DIP2B: variants seen among roughly 807,000 people sequenced by gnomAD.
DIP2B encodes disco-interacting protein 2 homolog B.
In DIP2B, 76 loss-of-function variants were observed where a neutral mutation model predicts 198.0. The observed-to-expected ratio is 0.38, with a 90% confidence interval of 0.32 to 0.46. DIP2B has a LOEUF of 0.46. DIP2B is among the 20% of genes least tolerant of loss of function. The probability of loss-of-function intolerance (pLI) is 0.99; values close to 1 mark genes in which losing one functional copy is unlikely to be tolerated. For synonymous variants in DIP2B, 701 were observed against 739.1 expected, an observed-to-expected ratio of 0.95 and a Z score of 0.84; for missense variants, 1,559 against 1,978.4, an observed-to-expected ratio of 0.79 and a Z score of 4.02.
chr12:50,678,922 G>C, intron 8 of DIP2B, 46 bp downstream of exon 8: 1 of 1,603,690 alleles, frequency 6.2e-7, no homozygotes, highest in Non-Finnish European at 8.5e-7. Context: ...GAGTTCTTCA[G>C]AATATCATGG....
intron 14 of DIP2B, among the ~76,000 whole-genome samples, chr12:50,694,869 G>A (rs1244449828): frequency 6.6e-6 from 1 of 151,982 alleles, no homozygotes; most frequent in Non-Finnish European, 1.5e-5. Context: ...AAAGAATTAT[G>A]TAGATCTCTT....
chr12:50,711,499 A>T (rs1357564647), intron 22 of DIP2B, among the ~76,000 whole-genome samples: 1 of 152,152 alleles, frequency 6.6e-6, no homozygotes, highest in African/African-American at 2.4e-5. Context: ...GGTTGGTAGG[A>T]TAGTCTGAGG....
At chr12:50,566,240 A>G (rs1193230362) in intron 1 of DIP2B, among the ~76,000 whole-genome samples, 5 of 151,892 alleles carry the variant, frequency 3.3e-5, no homozygotes, top group South Asian at 2.1e-4. Flanking sequence ...GAATTTTGCC[A>G]TGTTGCCCAG....
Position 50,748,465 on chromosome 12 carries a change from G to A in DIP2B, c.*3626G>A, listed in dbSNP as rs1940369682. ...ATTTTTTAGTCCTAAATGCTGTTTT[G>A]TTTACTTTCTGTCAAGATATTTACC... On this transcript the variant is annotated 3_prime_UTR_variant, in exon 38 of 38. Transcript: ENST00000301180. The A allele has an allele frequency of 6.6e-6, 1 of 152,550 alleles. No homozygotes were observed. Among genetic ancestry groups the A allele is most frequent in the Non-Finnish European group, 1.5e-5 (1 of 68,016 alleles). The allele number at this position is 152,550 out of a possible 1,614,324, so 9.4% of individuals were successfully genotyped here.
intron 23 of DIP2B, among the ~76,000 whole-genome samples, chr12:50,717,359 C>CTTTTT (rs137945712): frequency 2.1e-5 from 1 of 46,864 alleles, no homozygotes; most frequent in East Asian, 7.8e-4. Flanking sequence ...CTCACTGCAG[C>CTTTTT]TTTTTTTTTT....
intron 12 of DIP2B, among the ~76,000 whole-genome samples, chr12:50,687,277 T>C (rs1026433549): frequency 2.0e-5 from 3 of 152,156 alleles, no homozygotes; most frequent in East Asian, 1.9e-4. Context: ...ACTTACTTTA[T>C]AGATGAGGAG....
At chr12:50,562,713 G>A (rs948554061) in intron 1 of DIP2B, among the ~76,000 whole-genome samples, 3 of 151,572 alleles carry the variant, frequency 2.0e-5, no homozygotes, top group Non-Finnish European at 4.4e-5. Flanking sequence ...CTCCAGACTG[G>A]GTGACAGAGT....
At position 50,745,506 on chromosome 12, in the gene DIP2B, A is replaced by C. The variant is rs1486660631; in HGVS notation, c.*667A>C. On this transcript the variant is annotated 3_prime_UTR_variant, in exon 38 of 38. Transcript: ENST00000301180. ...TTTGAGAGAATTTCAATATTCTCTTAATGTTGTGTAATTGATTAGGTAACT... is the reference window on the plus strand; with the variant it reads ...TTTGAGAGAATTTCAATATTCTCTTCATGTTGTGTAATTGATTAGGTAACT... The C allele has an allele frequency of 2.6e-5, 4 of 152,434 alleles. No individual in the cohort carries two copies. Among genetic ancestry groups the C allele is most frequent in the Admixed American group, 1.3e-4 (2 of 15,292 alleles). 9.4% of individuals were successfully genotyped at this position (152,434 alleles called of 1,614,324 possible). A position where few individuals can be genotyped will look rare whatever the true frequency, so the allele number is the denominator to read the frequency against.
chr12:50,519,418 A>C (rs1413167737), intron 1 of DIP2B, among the ~76,000 whole-genome samples: 2 of 152,122 alleles, frequency 1.3e-5, no homozygotes, highest in Admixed American at 1.3e-4. Context: ...TTTTTTTTAA[A>C]AGAATGAAAA....
intron 37 of DIP2B, among the ~76,000 whole-genome samples, chr12:50,744,036 C>G (rs540211288): frequency 2.0e-5 from 3 of 152,276 alleles, no homozygotes; most frequent in South Asian, 2.1e-4. Context: ...GAGTCTCACT[C>G]TGTTGCCCAG....
At chr12:50,598,466 G>T (rs1292407840) in intron 1 of DIP2B, among the ~76,000 whole-genome samples, 1 of 151,052 alleles carries the variant, frequency 6.6e-6, no homozygotes, top group African/African-American at 2.4e-5. Context: ...GAGACTTCTG[G>T]AACATATTAT....
chr12:50,516,584 T>G (rs2139346333), intron 1 of DIP2B, among the ~76,000 whole-genome samples: 1 of 152,244 alleles, frequency 6.6e-6, no homozygotes, highest in East Asian at 1.9e-4. Context: ...CATTGGGAAT[T>G]AAGTTCCAAC....
At chr12:50,631,875 G>A (rs1166200560) in intron 2 of DIP2B, among the ~76,000 whole-genome samples, 1 of 152,122 alleles carries the variant, frequency 6.6e-6, no homozygotes, top group Non-Finnish European at 1.5e-5. Context: ...AAAGGGGTGG[G>A]TTGTAGGGTT....
chr12:50,565,053 G>T (rs1482100788), intron 1 of DIP2B, among the ~76,000 whole-genome samples: 1 of 152,002 alleles, frequency 6.6e-6, no homozygotes, highest in Non-Finnish European at 1.5e-5. Flanking sequence ...ACCCAGGCTG[G>T]AGTGCAGTGG....
intron 1 of DIP2B, among the ~76,000 whole-genome samples, chr12:50,615,426 C>A (rs965928118): frequency 6.6e-6 from 1 of 152,150 alleles, no homozygotes; most frequent in African/African-American, 2.4e-5. Context: ...TTTGAGACAT[C>A]AGTTTTCCTT....
intron 8 of DIP2B, 145 bp downstream of exon 8, chr12:50,679,021 G>A (rs1391948158): frequency 6.4e-6 from 6 of 932,160 alleles, no homozygotes; most frequent in Non-Finnish European, 9.3e-6. Context: ...TAAGCTCTAA[G>A]TAAAGCTATT....
At chr12:50,607,468 A>AT (rs1448142074) in intron 1 of DIP2B, among the ~76,000 whole-genome samples, 8 of 152,268 alleles carry the variant, frequency 5.3e-5, no homozygotes, top group Non-Finnish European at 1.5e-5. Context: ...CTCATTACTT[A>AT]TTTTTTATCA....
intron 7 of DIP2B, among the ~76,000 whole-genome samples, chr12:50,677,218 C>G (rs1358577792): frequency 6.6e-6 from 1 of 152,210 alleles, no homozygotes; most frequent in Non-Finnish European, 1.5e-5. Context: ...TTCTCACGCA[C>G]TGCTCATGTT....
At position 50,718,915 on chromosome 12, in the gene DIP2B, G is replaced by A. The variant is rs373514904; in HGVS notation, c.2962-40G>A. ...GGATGCATTATATGACTTGTTATAA[G>A]TTGCTGACCCTGAGTCCTTTTTCTG... On this transcript the variant is annotated intron_variant, in intron 24 of 37. Coordinates refer to ENST00000301180, the MANE Select transcript of DIP2B (RefSeq NM_173602.3). 5 of 1,613,474 alleles carry A rather than the reference G, an allele frequency of 3.1e-6. No individual in the cohort carries two copies. In the African/African-American group the frequency reaches 5.3e-5, roughly 17 times the overall value.
Sources: gnomAD v4.1 joint callset for allele counts (sites outside exome capture counted in the v4.1 genomes callset) on GRCh38, gnomAD v4.1.1 for gene constraint, MANE v1.5 for transcripts, NCBI Gene and HGNC (gene_info 2026-07-23, HGNC 2026-07-21) for gene names.